Variants in COBL observed in about 807,000 individuals in gnomAD.
COBL encodes the protein cordon-bleu WH2 repeat protein, also known as protein cordon-bleu.
COBL carries 51 observed loss-of-function variants against 98.8 expected under a neutral mutation model. The observed-to-expected ratio is 0.52, with a 90% CI of 0.41 to 0.65. The LOEUF (loss-of-function observed/expected upper bound fraction) is 0.65. Among genes scored for constraint, COBL ranks in the 30% least tolerant of loss-of-function variants. The pLI is 0.00. For synonymous variants in COBL, 634 were observed against 651.7 expected (o/e 0.97, Z 0.41); for missense variants, 1,617 against 1,617.5 (o/e 1.00, Z 0.01).
chr7:51,027,783 T>C lies in COBL; in HGVS notation c.3313A>G (p.Lys1105Glu). 6.2e-7 allele frequency: 1 copy of C among 1,614,214 alleles called. No individual in the cohort carries two copies. Among genetic ancestry groups the C allele is most frequent in the Non-Finnish European group, 8.5e-7 (1 of 1,180,032 alleles). Residue 1105 changes from lysine to glutamate, a missense_variant, in exon 10 of 13, where the codon AAA becomes GAA. Lys to Glu is a moderately conservative substitution (Grantham distance 56). Coordinates refer to ENST00000265136, the MANE Select transcript of COBL (RefSeq NM_015198.5). Reference sequence around the variant, plus strand: ...AGGGCAGAGTGCAGGGATGTGTCTTTTGGGACTGGTCTCTGGACAACAGGT... The same window carrying C: ...AGGGCAGAGTGCAGGGATGTGTCTTCTGGGACTGGTCTCTGGACAACAGGT... ...FKPVVQRPVP[K>E]DTSLHSALME...
intron 1 of COBL, among the ~76,000 whole-genome samples, chr7:51,285,494 T>C (rs1288957099): frequency 2.0e-5 from 3 of 151,782 alleles, no homozygotes; most frequent in Admixed American, 6.6e-5. Flanking sequence ...AATCCATAAT[T>C]AGGAATTAAA....
At chr7:51,239,593 T>A (rs1321099395) in intron 1 of COBL, among the ~76,000 whole-genome samples, 1 of 152,248 alleles carries the variant, frequency 6.6e-6, no homozygotes, top group African/African-American at 2.4e-5. Context: ...GTTTCTTTAC[T>A]TCTCTAATAA....
intron 1 of COBL, among the ~76,000 whole-genome samples, chr7:51,275,937 TA>T (rs1338776431): frequency 2.6e-5 from 4 of 152,220 alleles, no homozygotes; most frequent in African/African-American, 9.6e-5. Context: ...TCTGTTTTAA[TA>T]AAGAAGCCCT....
chr7:51,213,952 C>T (rs1028949323), intron 2 of COBL, among the ~76,000 whole-genome samples: 2 of 151,954 alleles, frequency 1.3e-5, no homozygotes, highest in African/African-American at 2.4e-5. Flanking sequence ...TAAAGGCATC[C>T]GCATTTCAAA....
At chr7:51,267,597 C>A (rs1219740351) in intron 1 of COBL, among the ~76,000 whole-genome samples, 1 of 152,054 alleles carries the variant, frequency 6.6e-6, no homozygotes, top group Non-Finnish European at 1.5e-5. Flanking sequence ...GTTTTTGAGA[C>A]AGGGTTGCTC....
chr7:51,237,643 T>C (rs1336806777), intron 1 of COBL, among the ~76,000 whole-genome samples: 1 of 152,102 alleles, frequency 6.6e-6, no homozygotes, highest in African/African-American at 2.4e-5. Flanking sequence ...TGTAGTATTA[T>C]TAAAAACACA....
chr7:51,032,823 T>TAAA (rs1445856539), intron 8 of COBL: 1 of 152,248 alleles, frequency 6.6e-6, no homozygotes, highest in African/African-American at 2.4e-5. Context: ...TTTAAATTTT[T>TAAA]AATAAAATAT....
intron 5 of COBL, among the ~76,000 whole-genome samples, chr7:51,160,286 G>A (rs1189875449): frequency 6.6e-6 from 1 of 152,176 alleles, no homozygotes; most frequent in Non-Finnish European, 1.5e-5. Flanking sequence ...GTTGATAGGA[G>A]TTTTATATAC....
At chr7:51,064,515 A>C (rs1424750573) in intron 7 of COBL, 2 of 152,302 alleles carry the variant, frequency 1.3e-5, no homozygotes, top group African/African-American at 2.4e-5. Flanking sequence ...AAAGATATTT[A>C]GCTTTAAAAG....
chr7:51,119,743 A>C (rs138413788), intron 6 of COBL, among the ~76,000 whole-genome samples: 2 of 152,226 alleles, frequency 1.3e-5, no homozygotes, highest in African/African-American at 2.4e-5. Context: ...AAAAATATTC[A>C]TCAATATAGG....
At chr7:51,299,076 A>C (rs1801672482) in intron 1 of COBL, among the ~76,000 whole-genome samples, 1 of 152,092 alleles carries the variant, frequency 6.6e-6, no homozygotes, top group Non-Finnish European at 1.5e-5. Flanking sequence ...GCCGGTGGGC[A>C]CCTCATATCT....
chr7:51,080,011 C>T (rs951601119), intron 7 of COBL, among the ~76,000 whole-genome samples: 3 of 152,162 alleles, frequency 2.0e-5, no homozygotes, highest in African/African-American at 7.2e-5. Flanking sequence ...GGAGTGAGGG[C>T]TTTGTGCTTG....
At chr7:51,157,815 A>G (rs949215935) in intron 5 of COBL, among the ~76,000 whole-genome samples, 4 of 152,236 alleles carry the variant, frequency 2.6e-5, no homozygotes, top group African/African-American at 9.6e-5. Context: ...CCACAAAAAT[A>G]TAAGTATGTG....
At position 51,184,206 on chromosome 7, in the gene COBL, A is replaced by G; in HGVS notation, c.686-7T>C. 1 of 1,484,804 alleles carries G rather than the reference A, an allele frequency of 6.7e-7. No homozygotes were observed. The highest frequency in any genetic ancestry group is 1.3e-5 in the South Asian group (1 of 76,854). The allele number at this position is 1,484,804 out of a possible 1,614,324, so 92.0% of individuals were successfully genotyped here. ...GATGATTTCCTAAAGGTTTCTGGAA[A>G]AAAAAAGCACTAAGTTATTTTTCAG... On this transcript the variant is annotated splice_polypyrimidine_tract_variant and splice_region_variant and intron_variant, in intron 4 of 12. Coordinates refer to ENST00000265136, the MANE Select transcript of COBL (RefSeq NM_015198.5).
At chr7:51,043,311 G>A in intron 8 of COBL, 72 bp downstream of exon 8, 1 of 1,466,800 alleles carries the variant, frequency 6.8e-7, no homozygotes, top group Non-Finnish European at 9.3e-7. Context: ...TGGATCCCAT[G>A]ACAAAAGACC....
At chr7:51,070,404 C>CACACACACACACAA (rs1490095405) in intron 7 of COBL, among the ~76,000 whole-genome samples, 1 of 151,720 alleles carries the variant, frequency 6.6e-6, no homozygotes, top group African/African-American at 2.4e-5. Flanking sequence ...CACACACACA[C>CACACACACACACAA]ACACACACAC....
chr7:51,188,808 T>C (rs190960952), intron 4 of COBL, among the ~76,000 whole-genome samples: 1 of 152,310 alleles, frequency 6.6e-6, no homozygotes, highest in Non-Finnish European at 1.5e-5. Flanking sequence ...CCAATGACCA[T>C]GGGCTATCCT....
chr7:51,189,030 C>A (rs1012785189), intron 4 of COBL, among the ~76,000 whole-genome samples: 2 of 152,024 alleles, frequency 1.3e-5, no homozygotes, highest in African/African-American at 4.8e-5. Flanking sequence ...TCATGTAAAC[C>A]AAATTTAAAT....
intron 7 of COBL, among the ~76,000 whole-genome samples, chr7:51,051,864 G>GATT (rs1790271097): frequency 4.8e-5 from 3 of 63,040 alleles, no homozygotes; most frequent in Non-Finnish European, 7.2e-5. Context: ...CTTAGAATCA[G>GATT]TTCAGCTACC....
Sources: gnomAD v4.1 joint callset for allele counts (sites outside exome capture counted in the v4.1 genomes callset) on GRCh38, gnomAD v4.1.1 for gene constraint, MANE v1.5 for transcripts, NCBI Gene and HGNC (gene_info 2026-07-23, HGNC 2026-07-21) for gene names.